The following NLGN1 variants were observed in gnomAD, a reference collection of about 807,000 sequenced individuals.
NLGN1 encodes neuroligin-1.
Under a neutral mutation model 65.5 loss-of-function variants are expected in NLGN1, and 12 were observed. That is an observed-to-expected ratio of 0.18 (90% confidence interval 0.12 to 0.30). The LOEUF (loss-of-function observed/expected upper bound fraction) is 0.30. Among genes scored for constraint, NLGN1 ranks in the 10% least tolerant of loss-of-function variants. The pLI is 1.00. For synonymous variants in NLGN1, 350 were observed against 359.5 expected (o/e 0.97, Z 0.30); for missense variants, 750 against 1,007.1 (o/e 0.74, Z 3.46).
chr3:173,457,670 C>T (rs956391434), intron 2 of NLGN1, among the ~76,000 whole-genome samples: 8 of 151,990 alleles, frequency 5.3e-5, no homozygotes, highest in African/African-American at 1.7e-4. Flanking sequence ...AATGATGTCA[C>T]GGTAGTCTTG....
chr3:173,451,460 G>T (rs1268150910), intron 2 of NLGN1, among the ~76,000 whole-genome samples: 1 of 152,190 alleles, frequency 6.6e-6, no homozygotes, highest in Non-Finnish European at 1.5e-5. Context: ...TGAGGTGTCA[G>T]TCCGCCCCTA....
intron 2 of NLGN1, among the ~76,000 whole-genome samples, chr3:173,478,189 G>T (rs1419875416): frequency 6.6e-6 from 1 of 152,188 alleles, no homozygotes. Flanking sequence ...TAAAGAAAAT[G>T]TGGTACATAT....
intron 3 of NLGN1, among the ~76,000 whole-genome samples, chr3:173,694,449 A>G (rs1577985884): frequency 6.6e-6 from 1 of 152,194 alleles, no homozygotes. Flanking sequence ...TGACGTGTAC[A>G]TTATCTAGGA....
chr3:174,035,907 A>G (rs1731039412), intron 4 of NLGN1, among the ~76,000 whole-genome samples: 1 of 152,076 alleles, frequency 6.6e-6, no homozygotes, highest in South Asian at 2.1e-4. Context: ...CACCCCCCTC[A>G]TTCCAAGTTA....
chr3:174,050,988 C>A (rs566702293), intron 4 of NLGN1, among the ~76,000 whole-genome samples: 1 of 152,096 alleles, frequency 6.6e-6, no homozygotes, highest in Non-Finnish European at 1.5e-5. Context: ...TGGAATTATA[C>A]AATCAGCAAA....
chr3:174,164,957 A>G (rs1727231110), intron 4 of NLGN1, among the ~76,000 whole-genome samples: 1 of 152,030 alleles, frequency 6.6e-6, no homozygotes, highest in Admixed American at 6.6e-5. Flanking sequence ...CCAATCCATG[A>G]GCATAGAATG....
chr3:173,450,536 T>C (rs527770468), intron 2 of NLGN1, among the ~76,000 whole-genome samples: 1 of 152,276 alleles, frequency 6.6e-6, no homozygotes, highest in South Asian at 2.1e-4. Context: ...GACAATTATG[T>C]GTCTTGGAGT....
chr3:173,995,210 T>G (rs1469731975), intron 4 of NLGN1, among the ~76,000 whole-genome samples: 1 of 152,182 alleles, frequency 6.6e-6, no homozygotes, highest in East Asian at 1.9e-4. Flanking sequence ...GAGCCAAAAT[T>G]CAATTGTTCC....
intron 4 of NLGN1, among the ~76,000 whole-genome samples, chr3:173,933,107 A>G (rs1429624505): frequency 6.6e-6 from 1 of 152,160 alleles, no homozygotes; most frequent in East Asian, 1.9e-4. Context: ...GAGAGGCCTC[A>G]GTGAAGTGTG....
intron 1 of NLGN1, among the ~76,000 whole-genome samples, chr3:173,418,436 G>A (rs959176779): frequency 6.6e-6 from 1 of 151,974 alleles, no homozygotes; most frequent in Non-Finnish European, 1.5e-5. Flanking sequence ...TATTCCTAAG[G>A]TGCCTTCCAT....
At chr3:173,973,077 G>A (rs1460732232) in intron 4 of NLGN1, among the ~76,000 whole-genome samples, 1 of 152,056 alleles carries the variant, frequency 6.6e-6, no homozygotes, top group Non-Finnish European at 1.5e-5. Flanking sequence ...TTCTTCATCT[G>A]TAAAATGAGG....
At chr3:173,996,766 G>A (rs1433695584) in intron 4 of NLGN1, among the ~76,000 whole-genome samples, 2 of 152,096 alleles carry the variant, frequency 1.3e-5, no homozygotes, top group Non-Finnish European at 2.9e-5. Flanking sequence ...TGAATCAAGG[G>A]GAAATTATAA....
At chr3:174,275,373 A>G (rs1181083035) in exon 5 of NLGN1, 2 of 1,612,776 alleles carry the variant, frequency 1.2e-6, no homozygotes, top group Non-Finnish European at 8.5e-7. Flanking sequence ...TTGATCTCAT[A>G]CAAGCTTTAA....
At chr3:174,275,622 T>A in intron 5 of NLGN1, 95 bp downstream of exon 5, 1 of 748,790 alleles carries the variant, frequency 1.3e-6, no homozygotes, top group Non-Finnish European at 2.3e-6. Context: ...CTGTTCAAAC[T>A]GAGTGTTAGG....
Position 173,631,395 on chromosome 3 carries a change from C to T in NLGN1, c.493+26304C>T, listed in dbSNP as rs115300118. On this transcript the variant is annotated intron_variant, in intron 3 of 6. Coordinates refer to ENST00000457714, the Ensembl canonical transcript of NLGN1. The stretch of plus-strand genomic sequence containing the variant: ...AGAGACTTGACCTGCCTTTTACTCC[C>T]GAACAGCAAAAAACAACCAAAAGCT... 7.8e-3 allele frequency among the ~76,000 whole-genome samples: 1,182 copies of T among 152,128 alleles called. 18 individuals carry two copies. The highest frequency in any genetic ancestry group is 0.027 in the African/African-American group (1,118 of 41,502).
chr3:173,713,449 T>C (rs765263003), intron 3 of NLGN1, among the ~76,000 whole-genome samples: 38 of 152,024 alleles, frequency 2.5e-4, no homozygotes, highest in Non-Finnish European at 4.7e-4. Context: ...AATAGAAGAG[T>C]TAAGAGAAGG....
intron 2 of NLGN1, among the ~76,000 whole-genome samples, chr3:173,538,732 C>T (rs1206221587): frequency 1.3e-5 from 2 of 152,142 alleles, no homozygotes; most frequent in Non-Finnish European, 2.9e-5. Context: ...GAAGCCCATG[C>T]CTAACCTTCA....
At chr3:174,148,058 A>G (rs1723674208) in intron 4 of NLGN1, among the ~76,000 whole-genome samples, 1 of 152,186 alleles carries the variant, frequency 6.6e-6, no homozygotes, top group Non-Finnish European at 1.5e-5. Flanking sequence ...TCATTCAGTG[A>G]AGAACATGGC....
intron 3 of NLGN1, among the ~76,000 whole-genome samples, chr3:173,653,438 T>A (rs1759519522): frequency 6.6e-6 from 1 of 152,198 alleles, no homozygotes; most frequent in Non-Finnish European, 1.5e-5. Flanking sequence ...GTTAAGGGTC[T>A]TCATCATGAA....
Sources: gnomAD v4.1 joint callset for allele counts (sites outside exome capture counted in the v4.1 genomes callset) on GRCh38, gnomAD v4.1.1 for gene constraint, MANE v1.5 for transcripts, NCBI Gene and HGNC (gene_info 2026-07-23, HGNC 2026-07-21) for gene names.